The following GNE variants were observed in gnomAD, a reference collection of about 807,000 sequenced individuals.
GNE encodes glucosamine (UDP-N-acetyl)-2-epimerase/N-acetylmannosamine kinase.
GNE carries 41 observed loss-of-function variants against 61.8 expected under a neutral mutation model. The observed-to-expected ratio is 0.66, with a 90% CI of 0.52 to 0.86. GNE has a LOEUF of 0.86. Among genes scored for constraint, GNE ranks in the 40% least tolerant of loss-of-function variants. The pLI is 0.00. For synonymous variants in GNE, 264 were observed against 326.4 expected, an observed-to-expected ratio of 0.81 and a Z score of 2.06; for missense variants, 608 against 909.1, an observed-to-expected ratio of 0.67 and a Z score of 4.26.
At chr9:36,228,326 T>C (rs1406753410) in intron 6 of GNE, among the ~76,000 whole-genome samples, 1 of 151,990 alleles carries the variant, frequency 6.6e-6, no homozygotes, top group Non-Finnish European at 1.5e-5. Context: ...GAAAGAAATA[T>C]TCAAATACAG....
At position 36,258,270 on chromosome 9, in the gene GNE, G is replaced by T. The variant is rs544066812; in HGVS notation, c.-43+51C>A. ...CAGGAGGCCGGGGGAGGCGGCCCTGGGGGTGGGCAGGATGCTCTCCCGGAG... is the reference window on the plus strand; with the variant it reads ...CAGGAGGCCGGGGGAGGCGGCCCTGTGGGTGGGCAGGATGCTCTCCCGGAG... On this transcript the variant is annotated intron_variant, in intron 1 of 11. Coordinates refer to ENST00000642385, the MANE Select transcript of GNE (RefSeq NM_005476.7). The T allele has an allele frequency of 9.5e-5, 91 of 956,932 alleles. No homozygotes were observed. In the African/African-American group the frequency reaches 1.6e-3, roughly 16 times the overall value. 59.3% of individuals were successfully genotyped at this position (956,932 alleles called of 1,614,324 possible). A position where few individuals can be genotyped will look rare whatever the true frequency, so the allele number is the denominator to read the frequency against.
intron 1 of GNE, among the ~76,000 whole-genome samples, chr9:36,272,030 G>A (rs987994876): frequency 3.3e-5 from 5 of 152,068 alleles, no homozygotes; most frequent in East Asian, 3.9e-4. Context: ...TGCCTGCACC[G>A]GTCATCCTCC....
At chr9:36,245,904 C>A in intron 3 of GNE, 127 bp downstream of exon 3, 1 of 745,626 alleles carries the variant, frequency 1.3e-6, no homozygotes, top group Non-Finnish European at 2.3e-6. Context: ...GGTCTATGAA[C>A]TAAAACCTTG....
intron 7 of GNE, among the ~76,000 whole-genome samples, chr9:36,223,972 A>C (rs1450993823): frequency 1.3e-5 from 2 of 151,818 alleles, no homozygotes; most frequent in South Asian, 2.1e-4. Context: ...GGCTGGTCTC[A>C]AACTCCTGAC....
chr9:36,265,642 G>T lies in GNE; in HGVS notation c.51+11252C>A, dbSNP rs1052726523. The T allele has an allele frequency of 3.3e-5, 10 of 299,896 alleles. 1 individual carries two copies. The highest frequency in any genetic ancestry group is 2.9e-4 in the South Asian group (10 of 34,536). 18.6% of individuals were successfully genotyped at this position (299,896 alleles called of 1,614,324 possible). ...TAATTACCAGAGTCTCTAGGGCAGC[G>T]GTCCCCAGTCTTTTTGGCACCAGGG... On this transcript the variant is annotated intron_variant, in intron 1 of 11. Transcript: ENST00000396594.
At chr9:36,270,662 C>T (rs1393523989) in intron 1 of GNE, among the ~76,000 whole-genome samples, 2 of 152,134 alleles carry the variant, frequency 1.3e-5, no homozygotes, top group Admixed American at 6.5e-5. Context: ...GGACTGCAGG[C>T]GCCCGCCACC....
intron 5 of GNE, among the ~76,000 whole-genome samples, chr9:36,233,225 AG>A (rs752534799): frequency 6.6e-6 from 1 of 152,236 alleles, no homozygotes; most frequent in Non-Finnish European, 1.5e-5. Context: ...CTTATACTTA[AG>A]GGGCACTTTA....
intron 1 of GNE, among the ~76,000 whole-genome samples, chr9:36,270,451 G>A (rs1355540838): frequency 3.3e-5 from 5 of 151,756 alleles, no homozygotes; most frequent in African/African-American, 1.2e-4. Flanking sequence ...ATTAACCTGG[G>A]TGCAGTAGTG....
chr9:36,223,086 C>G (rs1828682518), intron 8 of GNE, 88 bp from the exon 9 acceptor site: 3 of 1,224,206 alleles, frequency 2.5e-6, no homozygotes, highest in African/African-American at 3.0e-5. Context: ...AACACAGATT[C>G]ATTCACCCCA....
At chr9:36,241,845 C>T (rs751632055) in intron 3 of GNE, among the ~76,000 whole-genome samples, 1 of 151,940 alleles carries the variant, frequency 6.6e-6, no homozygotes, top group Admixed American at 6.6e-5. Context: ...ATGAGAAGTT[C>T]CATATTAAGG....
At chr9:36,256,654 C>T (rs189728375) in intron 1 of GNE, among the ~76,000 whole-genome samples, 1 of 152,324 alleles carries the variant, frequency 6.6e-6, no homozygotes, top group African/African-American at 2.4e-5. Flanking sequence ...ATGCCCCACT[C>T]AACCGTGGAA....
rs1296217324 is a variant in GNE, at chr9:36,246,297, A to G, written c.350T>C (p.Leu117Pro). 6.2e-7 allele frequency: 1 copy of G among 1,614,254 alleles called. No homozygotes were observed. The highest frequency in any genetic ancestry group is 1.1e-5 in the South Asian group (1 of 91,086). Residue 117 changes from leucine to proline, a missense_variant, in exon 3 of 12, where the codon CTG becomes CCG. Transcript: ENST00000642385. ...CAAGGCAGCAGATGTGGCCAGAGCC[A>G]GGGCATCAAACCTGTCTCCATGAAC... Reference protein sequence around the residue: ...MIVHGDRFDALALATSAALMN... With the variant: ...MIVHGDRFDAPALATSAALMN...
At chr9:36,258,625 G>C (rs1250968502), upstream of GNE, 2 of 581,786 alleles carry the variant, frequency 3.4e-6, no homozygotes, top group African/African-American at 4.0e-5. Context: ...GCTGACCAGC[G>C]GACCATCTTC....
At chr9:36,233,852 T>C in intron 5 of GNE, 68 bp downstream of exon 5, 1 of 1,159,394 alleles carries the variant, frequency 8.6e-7, no homozygotes, top group Non-Finnish European at 1.3e-6. Flanking sequence ...TACTGATATA[T>C]GCATACCTTA....
At chr9:36,265,138 C>T (rs1390344093) in intron 1 of GNE, 1 of 298,316 alleles carries the variant, frequency 3.4e-6, no homozygotes, top group South Asian at 3.2e-5. Context: ...GGGCTGAAGG[C>T]TTGCCGTTGT....
chr9:36,217,592 C>G lies in GNE; in HGVS notation c.1942G>C (p.Ala648Pro). The change falls in exon 12 of 12, where the codon GCT becomes CCT. Residue 648 changes from alanine to proline, a missense_variant. Ala to Pro is a conservative substitution (Grantham distance 27). Coordinates refer to ENST00000642385, the MANE Select transcript of GNE (RefSeq NM_005476.7). ...ATGTTCACAACCCCAAGACCCAAAG[C>G]TGTTCCAGCTATAGGGAGACAAAAA... Reference protein sequence around the residue: ...AQSILRTAGTALGLGVVNILH... With the variant: ...AQSILRTAGTPLGLGVVNILH... The G allele has an allele frequency of 6.2e-7, 1 of 1,609,302 alleles. No homozygotes were observed. The highest frequency in any genetic ancestry group is 8.5e-7 in the Non-Finnish European group (1 of 1,175,586).
At chr9:36,259,786 G>A (rs900874287), upstream of GNE, among the ~76,000 whole-genome samples, 76 of 152,180 alleles carry the variant, frequency 5.0e-4, no homozygotes, top group African/African-American at 1.5e-3. Flanking sequence ...TTAGCCTCCC[G>A]AGTAGCTGGG....
At chr9:36,257,666 G>A (rs550337875) in intron 1 of GNE, among the ~76,000 whole-genome samples, 4 of 151,478 alleles carry the variant, frequency 2.6e-5, no homozygotes, top group African/African-American at 4.8e-5. Context: ...AGCCGGGCGT[G>A]GTGGTGGGCG....
At chr9:36,222,690 G>A in intron 9 of GNE, 87 bp downstream of exon 9, 1 of 936,778 alleles carries the variant, frequency 1.1e-6, no homozygotes, top group Non-Finnish European at 1.8e-6. Context: ...TGAAGGCTAA[G>A]GCAGAGTTGT....
Sources: gnomAD v4.1 joint callset for allele counts (sites outside exome capture counted in the v4.1 genomes callset) on GRCh38, gnomAD v4.1.1 for gene constraint, MANE v1.5 for transcripts, NCBI Gene and HGNC (gene_info 2026-07-23, HGNC 2026-07-21) for gene names.